The following PDZD7 variants were observed in gnomAD, a reference collection of about 807,000 sequenced individuals.
The protein encoded by PDZD7 is PDZ domain containing 7.
Under a neutral mutation model 84.7 loss-of-function variants are expected in PDZD7, and 72 were observed. That is an observed-to-expected ratio of 0.85 (90% CI 0.70 to 1.03). The LOEUF is 1.03. Ranked by LOEUF, PDZD7 falls within the 50% of genes least tolerant of loss-of-function variation. The pLI is 0.00. For synonymous variants in PDZD7, 594 were observed against 580.7 expected (o/e 1.02, Z -0.33); for missense variants, 1,490 against 1,412.9 (o/e 1.05, Z -0.87).
intron 14 of PDZD7, chr10:101,011,301 A>G (rs1318353835): frequency 5.2e-6 from 2 of 385,030 alleles, no homozygotes; most frequent in Non-Finnish European, 8.5e-6. Context: ...TCAGCCTCCC[A>G]AAGTGCTGGG....
rs762000985 is a variant in PDZD7 at position 101,010,546 on chromosome 10, G to GCGGCTGCGGCTA, written c.2331_2342dup (p.Arg781_Ser784dup). 14 of 1,526,556 alleles carry GCGGCTGCGGCTA rather than the reference G, an allele frequency of 9.2e-6. No homozygotes were observed. The African/African-American group carries it at 1.1e-4, about 12-fold the overall frequency. The allele number at this position is 1,526,556 out of a possible 1,614,324, so 94.6% of individuals were successfully genotyped here. A position where few individuals can be genotyped will look rare whatever the true frequency, so the allele number is the denominator to read the frequency against. Reference sequence around the variant, plus strand: ...TGCCTTGACCCCGGCTGCTGCGGCTGCGGCTGCGGCTACGGCTGCGGCTAC... The same window carrying GCGGCTGCGGCTA: ...TGCCTTGACCCCGGCTGCTGCGGCTGCGGCTGCGGCTACGGCTGCGGCTACGGCTGCGGCTAC... On this transcript the variant is annotated inframe_insertion, in exon 15 of 17. Transcript: ENST00000619208.
intron 2 of PDZD7, among the ~76,000 whole-genome samples, chr10:101,025,273 A>G (rs557073242): frequency 3.6e-4 from 54 of 151,832 alleles, no homozygotes; most frequent in Non-Finnish European, 6.6e-4. Context: ...GCAGTGATGC[A>G]ATCTCGGTTC....
chr10:101,029,542 G>A (rs537218690), intron 2 of PDZD7, among the ~76,000 whole-genome samples: 3 of 152,272 alleles, frequency 2.0e-5, no homozygotes, highest in Non-Finnish European at 4.4e-5. Flanking sequence ...CTGTCTACCC[G>A]CTTGGGCACT....
chr10:101,023,070 CTTTTTTTTTTTT>C (rs1161602421), intron 4 of PDZD7: 76 of 127,884 alleles, frequency 5.9e-4, no homozygotes, highest in East Asian at 2.8e-3. Context: ...CCATGCCCGG[CTTTTTTTTTTTT>C]TTTTTTTTTT....
At chr10:101,026,117 G>A (rs552110683) in intron 2 of PDZD7, among the ~76,000 whole-genome samples, 81 of 152,188 alleles carry the variant, frequency 5.3e-4, no homozygotes, top group African/African-American at 1.8e-3. Flanking sequence ...GGTTCCTAAA[G>A]GTTGAACCTG....
In PDZD7 at chr10:101,030,113, C is replaced by T. The variant is rs200080492; in HGVS notation, c.107G>A (p.Gly36Asp). The stretch of plus-strand genomic sequence containing the variant: ...TAGCAGGTATCGCGTTGCGGTGGAG[C>T]CTGAGTCGCTGCCTAGGTGGCCTCG... ...SSRGHLGSDSGSTATRYLLRK... is the reference protein window; with the variant it reads ...SSRGHLGSDSDSTATRYLLRK... Residue 36 changes from glycine to aspartate, a missense_variant, in exon 2 of 17, where the codon GGC becomes GAC. Gly to Asp is a moderately conservative substitution (Grantham distance 94). Coordinates refer to ENST00000619208, the MANE Select transcript of PDZD7 (RefSeq NM_001195263.2). 13 of 1,614,062 alleles carry T rather than the reference C, an allele frequency of 8.1e-6. No individual in the cohort carries two copies. Among genetic ancestry groups the T allele is most frequent in the South Asian group, 1.1e-5 (1 of 91,084 alleles).
At chr10:101,029,947 ACCCCC>A in intron 2 of PDZD7, 42 bp downstream of exon 2, 8 of 1,431,202 alleles carry the variant, frequency 5.6e-6, no homozygotes, top group African/African-American at 1.4e-5. Context: ...ATTGTCCCCT[ACCCCC>A]ACCCTCCCCA....
chr10:101,008,761 T>G lies in PDZD7; in HGVS notation c.2808A>C (p.Arg936=), dbSNP rs1343309162. The change falls in exon 17 of 17, where the codon CGA becomes CGC. Residue 936 remains arginine (R), a synonymous_variant. Coordinates refer to ENST00000619208, the MANE Select transcript of PDZD7 (RefSeq NM_001195263.2). ...GCTCCATGGGCTCCCGGGCCTTGTT[T>G]CGATAAGCCCGACGGATGGTGTCTA... The part of the protein sequence containing the change: ...RAVDTIRRAY[R]NKAREPMELV... 4 of 1,535,664 alleles carry G rather than the reference T, an allele frequency of 2.6e-6. No homozygotes were observed. Among genetic ancestry groups the G allele is most frequent in the Non-Finnish European group, 3.5e-6 (4 of 1,146,618 alleles).
At chr10:101,010,929 G>A in intron 14 of PDZD7, 46 bp from the exon 15 acceptor site, 1 of 1,450,238 alleles carries the variant, frequency 6.9e-7, no homozygotes, top group South Asian at 1.3e-5. Flanking sequence ...CCCCTCTCCA[G>A]GACCCAGGCC....
Position 101,010,898 on chromosome 10 carries a change from C to T in PDZD7, c.2006-15G>A. On this transcript the variant is annotated splice_polypyrimidine_tract_variant and intron_variant, in intron 14 of 16. Coordinates refer to ENST00000619208, the MANE Select transcript of PDZD7 (RefSeq NM_001195263.2). ...TCCGCGGCTGTCTGGGGAAGAGCGC[C>T]AAGGTCAGCTGCCCACTCCTCCCCT... 1 of 1,527,758 alleles carries T rather than the reference C, an allele frequency of 6.5e-7. No individual in the cohort carries two copies. Among genetic ancestry groups the T allele is most frequent in the Admixed American group, 2.0e-5 (1 of 50,720 alleles). 94.6% of individuals were successfully genotyped at this position (1,527,758 alleles called of 1,614,324 possible).
intron 1 of PDZD7, 96 bp from the exon 2 acceptor site, chr10:101,030,480 C>T: frequency 1.6e-6 from 1 of 624,520 alleles, no homozygotes; most frequent in Non-Finnish European, 2.9e-6. Context: ...GCATCCTGCC[C>T]TCCCATGCCT....
chr10:101,017,772 G>T, intron 9 of PDZD7: 1 of 468,556 alleles, frequency 2.1e-6, no homozygotes, highest in East Asian at 3.9e-5. Flanking sequence ...GGCAACAAGA[G>T]CAAAACTCCA....
intron 1 of PDZD7, 61 bp from the exon 2 acceptor site, chr10:101,030,445 A>T: frequency 1.5e-6 from 1 of 660,624 alleles, no homozygotes; most frequent in Non-Finnish European, 2.8e-6. Context: ...GCCCCCTAAA[A>T]CTTCCACCCC....
intron 7 of PDZD7, among the ~76,000 whole-genome samples, chr10:101,019,607 C>T (rs1245386771): frequency 1.6e-5 from 2 of 123,200 alleles, no homozygotes; most frequent in South Asian, 2.9e-4. Flanking sequence ...CTTCTTCTTC[C>T]TCCTCTTCTT....
At chr10:101,010,165 G>A in intron 15 of PDZD7, 107 bp downstream of exon 15, 2 of 1,361,580 alleles carry the variant, frequency 1.5e-6, no homozygotes, top group South Asian at 1.6e-5. Context: ...AAAGTGCTGG[G>A]GTTACAGGTG....
In PDZD7 at chr10:101,015,777, C is replaced by T. The variant is rs556358455; in HGVS notation, c.1608G>A (p.Arg536=). ...GCAGCTGGCTGGAGGGACTCCCAGA[C>T]CTGGCAGACAGCAGGGCCCGGCCCC... The part of the protein sequence containing the change: ...QERGRALLSA[R]SGSPSSQLPN... The change falls in exon 11 of 17, where the codon AGG becomes AGA. Residue 536 remains arginine, a synonymous_variant. Transcript: ENST00000619208. The T allele has an allele frequency of 6.5e-7, 1 of 1,549,650 alleles. No individual in the cohort carries two copies. The highest frequency in any genetic ancestry group is 8.7e-7 in the Non-Finnish European group (1 of 1,146,854).
chr10:101,024,269 G>A (rs772533336), intron 2 of PDZD7, among the ~76,000 whole-genome samples: 16 of 152,148 alleles, frequency 1.1e-4, no homozygotes, highest in Non-Finnish European at 1.8e-4. Context: ...AAAGAAACAG[G>A]GTCTTGCTCT....
At position 101,023,922 on chromosome 10, in the gene PDZD7, G is replaced by A. The variant is rs1853275028; in HGVS notation, c.367+6C>T. On this transcript the variant is annotated splice_donor_region_variant and intron_variant, in intron 3 of 16. Transcript: ENST00000619208. ...GCGTGGACTTCAGCCTGGGGGTTCTGCTTACCTGCACTGCTGCCTTCCTCC... is the reference window on the plus strand; with the variant it reads ...GCGTGGACTTCAGCCTGGGGGTTCTACTTACCTGCACTGCTGCCTTCCTCC... 6.2e-7 allele frequency: 1 copy of A among 1,614,182 alleles called. No homozygotes were observed. The highest frequency in any genetic ancestry group is 8.5e-7 in the Non-Finnish European group (1 of 1,180,010).
At position 101,016,446 on chromosome 10, in the gene PDZD7, C is replaced by A; in HGVS notation, c.1523-19G>T. The A allele has an allele frequency of 1.9e-6, 3 of 1,550,562 alleles. No homozygotes were observed. The highest frequency in any genetic ancestry group is 2.4e-5 in the East Asian group (1 of 40,926). On this transcript the variant is annotated intron_variant, in intron 9 of 16. Transcript: ENST00000619208. ...CCCCCTGCTATGAAGAAGAAAGAGG[C>A]TCAGCTGCAGGCCTTGGCCCCCAGT... is the stretch of plus-strand genomic sequence containing the variant.
Sources: gnomAD v4.1 joint callset for allele counts (sites outside exome capture counted in the v4.1 genomes callset) on GRCh38, gnomAD v4.1.1 for gene constraint, MANE v1.5 for transcripts, NCBI Gene and HGNC (gene_info 2026-07-23, HGNC 2026-07-21) for gene names.